SRBD1: variants seen among roughly 807,000 people sequenced by gnomAD.
The protein encoded by SRBD1 is S1 RNA binding domain 1.
SRBD1 carries 88 observed loss-of-function variants against 115.3 expected under a neutral mutation model. That is an observed-to-expected ratio of 0.76 (90% CI 0.64 to 0.91). The LOEUF (loss-of-function observed/expected upper bound fraction) is 0.91. Among genes scored for constraint, SRBD1 ranks in the 40% least tolerant of loss-of-function variants. The pLI, the probability that SRBD1 is intolerant of heterozygous loss-of-function variation, is 0.00. For missense variants in SRBD1, 1,385 were observed against 1,177.4 expected (o/e 1.18, Z -2.58); for synonymous variants, 509 against 407.7 (o/e 1.25, Z -2.99).
intron 16 of SRBD1, among the ~76,000 whole-genome samples, chr2:45,472,938 A>T (rs78962254): frequency 0.019 from 2,805 of 144,450 alleles, 86 homozygotes; most frequent in African/African-American, 0.066. Context: ...TTTAATCCAA[A>T]TCTTTAATAT....
intron 8 of SRBD1, among the ~76,000 whole-genome samples, chr2:45,573,988 G>A (rs1173848173): frequency 6.6e-6 from 1 of 152,004 alleles, no homozygotes; most frequent in Non-Finnish European, 1.5e-5. Context: ...GCAGAAACCT[G>A]TCTTCTGATA....
At chr2:45,575,350 T>C (rs1034561788) in intron 7 of SRBD1, among the ~76,000 whole-genome samples, 6 of 152,230 alleles carry the variant, frequency 3.9e-5, no homozygotes, top group African/African-American at 1.4e-4. Context: ...CATTTCTAAT[T>C]TGCTAATTTA....
chr2:45,438,259 A>G (rs1668561058), intron 16 of SRBD1, among the ~76,000 whole-genome samples: 2 of 152,234 alleles, frequency 1.3e-5, no homozygotes, highest in Non-Finnish European at 2.9e-5. Context: ...TTACCAGAAG[A>G]AAATTCAATA....
chr2:45,583,703 G>A (rs1347616393), intron 5 of SRBD1, among the ~76,000 whole-genome samples: 2 of 152,004 alleles, frequency 1.3e-5, no homozygotes, highest in African/African-American at 4.8e-5. Context: ...GAAAATCAAT[G>A]CTCTAGTTAT....
chr2:45,445,129 C>T (rs1668782816), intron 16 of SRBD1, among the ~76,000 whole-genome samples: 1 of 152,068 alleles, frequency 6.6e-6, no homozygotes, highest in Admixed American at 6.6e-5. Context: ...GTCTTTCAGA[C>T]AGTTGGAAAG....
intron 14 of SRBD1, among the ~76,000 whole-genome samples, chr2:45,522,566 T>G (rs941296235): frequency 1.3e-5 from 2 of 152,300 alleles, no homozygotes; most frequent in East Asian, 3.9e-4. Flanking sequence ...AAGTATATAA[T>G]GCAAATACAG....
intron 19 of SRBD1, among the ~76,000 whole-genome samples, chr2:45,398,503 G>A (rs1667208520): frequency 6.6e-6 from 1 of 152,098 alleles, no homozygotes; most frequent in Non-Finnish European, 1.5e-5. Flanking sequence ...AATGTTTCCT[G>A]CTTTTTCAAA....
intron 6 of SRBD1, among the ~76,000 whole-genome samples, chr2:45,580,676 C>CTTTTTT (rs369067711): frequency 7.9e-5 from 6 of 76,398 alleles, no homozygotes; most frequent in Admixed American, 1.5e-4. Flanking sequence ...TCTTCTACTT[C>CTTTTTT]TTTTTTTTTT....
At chr2:45,494,593 C>A (rs1046949833) in intron 14 of SRBD1, among the ~76,000 whole-genome samples, 2 of 152,164 alleles carry the variant, frequency 1.3e-5, no homozygotes. Flanking sequence ...TTAAAAAAAT[C>A]TTATAAGAAA....
intron 16 of SRBD1, among the ~76,000 whole-genome samples, chr2:45,465,559 C>G (rs1168590322): frequency 6.6e-6 from 1 of 152,116 alleles, no homozygotes; most frequent in Non-Finnish European, 1.5e-5. Flanking sequence ...GGACTTAACA[C>G]TTTTAATGAT....
At chr2:45,468,870 G>C (rs1438923294) in intron 16 of SRBD1, among the ~76,000 whole-genome samples, 5 of 152,168 alleles carry the variant, frequency 3.3e-5, no homozygotes, top group Admixed American at 6.5e-5. Context: ...AAGATTCCAA[G>C]TGTTCCACAT....
intron 14 of SRBD1, among the ~76,000 whole-genome samples, chr2:45,525,125 T>C (rs1336354368): frequency 1.3e-5 from 2 of 151,918 alleles, no homozygotes; most frequent in African/African-American, 4.8e-5. Flanking sequence ...TTACACCATG[T>C]ACAAAAATTA....
At chr2:45,406,422 T>C (rs887862100) in intron 19 of SRBD1, among the ~76,000 whole-genome samples, 1 of 152,188 alleles carries the variant, frequency 6.6e-6, no homozygotes, top group Admixed American at 6.5e-5. Flanking sequence ...AGGGAAAATC[T>C]ATTTGTGGCA....
intron 20 of SRBD1, among the ~76,000 whole-genome samples, chr2:45,389,859 C>A: frequency 6.6e-6 from 1 of 152,002 alleles, no homozygotes; most frequent in East Asian, 1.9e-4. Flanking sequence ...ACATAAGGAT[C>A]GAGAAGACAG....
chr2:45,602,157 T>C lies in SRBD1; in HGVS notation c.81-74A>G. 3 of 1,504,388 alleles carry C rather than the reference T, an allele frequency of 2.0e-6. No homozygotes were observed. The East Asian group carries it at 6.8e-5, about 34-fold the overall frequency. 93.2% of individuals were successfully genotyped at this position (1,504,388 alleles called of 1,614,324 possible). On this transcript the variant is annotated intron_variant, in intron 2 of 20. Transcript: ENST00000263736. ...TCAAAGGTAAAAAAGAGATGCAAGA[T>C]TCTTGAAAAAATGATAAAGTAGGAG...
chr2:45,584,910 G>A (rs1673470449), intron 5 of SRBD1, among the ~76,000 whole-genome samples: 1 of 152,174 alleles, frequency 6.6e-6, no homozygotes, highest in Non-Finnish European at 1.5e-5. Context: ...CAGCACTTTG[G>A]GAGGCCAAGG....
intron 16 of SRBD1, among the ~76,000 whole-genome samples, chr2:45,465,988 A>G (rs975163832): frequency 4.6e-5 from 7 of 152,224 alleles, no homozygotes; most frequent in Admixed American, 1.3e-4. Context: ...ATAATCTACC[A>G]TGCATTCATT....
intron 2 of SRBD1, 23 bp downstream of exon 2, chr2:45,605,325 TCATTCCCCTACCCA>T (rs764183384): frequency 6.4e-7 from 1 of 1,570,332 alleles, no homozygotes; most frequent in Non-Finnish European, 8.7e-7. Context: ...AAAATATTCA[TCATTCCCCTACCCA>T]CATATTAAAC....
chr2:45,587,273 TATA>T (rs1254649151), intron 4 of SRBD1, among the ~76,000 whole-genome samples: 5 of 147,492 alleles, frequency 3.4e-5, no homozygotes, highest in African/African-American at 1.2e-4. Flanking sequence ...TGATGTTAAT[TATA>T]ATATTAAAAT....
Sources: allele counts gnomAD v4.1 joint callset (sites outside exome capture counted in the v4.1 genomes callset), GRCh38; gene constraint gnomAD v4.1.1; transcripts MANE v1.5; gene names NCBI Gene and HGNC (gene_info 2026-07-23, HGNC 2026-07-21).